Variants in ASNSD1 observed in about 807,000 individuals in gnomAD.
ASNSD1 encodes the protein asparagine synthetase domain containing 1, also known as asparagine synthetase domain-containing protein 1.
ASNSD1 carries 36 observed loss-of-function variants against 48.3 expected under a neutral mutation model. The observed-to-expected ratio is 0.75, with a 90% CI of 0.57 to 0.99. ASNSD1 has a LOEUF of 0.99. Ranked by LOEUF, ASNSD1 falls within the 50% of genes least tolerant of loss-of-function variation. The pLI, the probability that ASNSD1 is intolerant of heterozygous loss-of-function variation, is 0.00. For missense variants in ASNSD1, 714 were observed against 758.2 expected (o/e 0.94, Z 0.69); for synonymous variants, 257 against 262.1 (o/e 0.98, Z 0.19).
Position 189,667,338 on chromosome 2 carries a change from T to C in ASNSD1, c.1206T>C (p.Ser402=). The C allele has an allele frequency of 6.2e-7, 1 of 1,614,172 alleles. No individual in the cohort carries two copies. ...AAADSPNKHV[S]VPDRITGRAG... is the part of the protein sequence containing the mutation. ...CTGACAGTCCTAATAAACATGTCAG[T>C]GTACCAGATCGAATCACAGGAAGGG... Residue 402 remains serine (S), a synonymous_variant, in exon 4 of 6, where the codon AGT becomes AGC. Coordinates refer to ENST00000260952, the MANE Select transcript of ASNSD1 (RefSeq NM_019048.4).
In ASNSD1 at chr2:189,667,773, A is replaced by G. The variant is rs1191449665; in HGVS notation, c.1474A>G (p.Thr492Ala). ...TCTTTAAACCTCATAGGTAGTTCTC[A>G]CTGGAATTGGTGCAGATGAGCAACT... Reference protein sequence around the residue: ...SYQSNAKVVLTGIGADEQLAG... With the variant: ...SYQSNAKVVLAGIGADEQLAG... The change falls in exon 5 of 6, where the codon ACT (threonine) becomes GCT (alanine). Residue 492 changes from threonine to alanine, a missense_variant. Physicochemically the swap from Thr to Ala is moderately conservative, Grantham distance 58 (BLOSUM62 0). Transcript: ENST00000260952. The G allele has an allele frequency of 1.9e-6, 3 of 1,611,062 alleles. No individual in the cohort carries two copies. In the African/African-American group the frequency reaches 4.0e-5, roughly 22 times the overall value.
intron 2 of ASNSD1, 67 bp downstream of exon 2, chr2:189,664,021 TATA>T (rs2032732059): frequency 5.5e-6 from 2 of 365,590 alleles, no homozygotes. Context: ...ATATTAAAGT[TATA>T]AGAAGTATAT....
chr2:189,669,120 T>C (rs532620124), intron 5 of ASNSD1, among the ~76,000 whole-genome samples: 2 of 152,254 alleles, frequency 1.3e-5, no homozygotes, highest in Non-Finnish European at 2.9e-5. Context: ...TCTTTTCCTC[T>C]TTCCACTGAC....
At position 189,667,793 on chromosome 2, in the gene ASNSD1, G is replaced by A; in HGVS notation, c.1494G>A (p.Glu498=). The change falls in exon 5 of 6, where the codon GAG becomes GAA. Residue 498 remains glutamate (E), a synonymous_variant. Coordinates refer to ENST00000260952, the MANE Select transcript of ASNSD1 (RefSeq NM_019048.4). ...KVVLTGIGAD[E]QLAGYSRHRV... ...TTCTCACTGGAATTGGTGCAGATGA[G>A]CAACTTGCAGGTTATTCTCGTCATC... The A allele has an allele frequency of 1.2e-6, 2 of 1,613,662 alleles. No homozygotes were observed. The highest frequency in any genetic ancestry group is 1.3e-5 in the African/African-American group (1 of 75,016).
At chr2:189,665,568 G>T in intron 3 of ASNSD1, 117 bp downstream of exon 3, 1 of 246,878 alleles carries the variant, frequency 4.1e-6, no homozygotes, top group African/African-American at 2.7e-5. Context: ...TTAGGCTTCC[G>T]AAGATGAGTC....
rs149609177 is a variant in ASNSD1, at chr2:189,667,403, T to A, written c.1271T>A (p.Ile424Asn). 3 of 1,614,034 alleles carry A rather than the reference T, an allele frequency of 1.9e-6. No individual in the cohort carries two copies. Among genetic ancestry groups the A allele is most frequent in the Non-Finnish European group, 1.7e-6 (2 of 1,180,022 alleles). ...CTACAAGCTGTTAGCCCTTCCCGAA[T>A]TTGGAATTTTGTTGAAATTAATGTT... is the stretch of plus-strand genomic sequence containing the variant. ...KELQAVSPSR[I>N]WNFVEINVSM... is the part of the protein sequence containing the mutation. The change falls in exon 4 of 6, where the codon ATT becomes AAT. Residue 424 changes from isoleucine to asparagine, a missense_variant. By Grantham distance (149) the Ile-to-Asn change is moderately radical (BLOSUM62 -3). Transcript: ENST00000260952.
chr2:189,670,445 C>A lies in ASNSD1; in HGVS notation c.1651C>A (p.Pro551Thr). Residue 551 changes from proline (P) to threonine (T), a missense_variant, in exon 6 of 6, where the codon CCT becomes ACT. Transcript: ENST00000260952. ...IGDHGKEARF[P>T]FLDENVVSFL... ...TATATTATCTGTCTATTTTAGATTT[C>A]CTTTCCTGGATGAAAATGTTGTCTC... 1 of 1,606,372 alleles carries A rather than the reference C, an allele frequency of 6.2e-7. No individual in the cohort carries two copies. The highest frequency in any genetic ancestry group is 8.5e-7 in the Non-Finnish European group (1 of 1,174,890).
rs760100597 is a variant in ASNSD1, at chr2:189,661,480, T to G, written c.-353T>G. 7.5e-6 allele frequency: 3 copies of G among 399,004 alleles called. No homozygotes were observed. Among genetic ancestry groups the G allele is most frequent in the Non-Finnish European group, 8.8e-6 (2 of 226,154 alleles). 24.7% of individuals were successfully genotyped at this position (399,004 alleles called of 1,614,324 possible). ...CGCTGTGGCTAATGCCGTAGGCTCCTTCAGGGCTGAGCCATCCCGCGTGTC... is the reference window on the plus strand; with the variant it reads ...CGCTGTGGCTAATGCCGTAGGCTCCGTCAGGGCTGAGCCATCCCGCGTGTC... On this transcript the variant is annotated 5_prime_UTR_variant, in exon 1 of 6. Coordinates refer to ENST00000260952, the MANE Select transcript of ASNSD1 (RefSeq NM_019048.4).
At chr2:189,665,612 A>ATATATATG (rs2032777102) in intron 3 of ASNSD1, among the ~76,000 whole-genome samples, 161 bp downstream of exon 3, 1 of 32,824 alleles carries the variant, frequency 3.0e-5, no homozygotes, top group African/African-American at 7.3e-5. Context: ...ATATATATAT[A>ATATATATG]TATATATATA....
rs139495026 is a variant in ASNSD1 at position 189,667,546 on chromosome 2, G to T, written c.1414G>T (p.Gly472Cys). 42 of 1,613,740 alleles carry T rather than the reference G, an allele frequency of 2.6e-5. No homozygotes were observed. Among genetic ancestry groups the T allele is most frequent in the Non-Finnish European group, 3.3e-5 (39 of 1,179,858 alleles). ...AGTCTGGTTTGCTTCTAGAGGAATT[G>T]GTTGGTTAGTGGCCCAGGAAGGAGT... The part of the protein sequence containing the change: ...CAVWFASRGI[G>C]WLVAQEGVKS... The change falls in exon 4 of 6, where the codon GGT becomes TGT. Residue 472 changes from glycine to cysteine, a missense_variant. By Grantham distance (159) the Gly-to-Cys change is radical (BLOSUM62 -3). Coordinates refer to ENST00000260952, the MANE Select transcript of ASNSD1 (RefSeq NM_019048.4).
At position 189,670,570 on chromosome 2, in the gene ASNSD1, T is replaced by A. The variant is rs941625419; in HGVS notation, c.1776T>A (p.Gly592=). Residue 592 remains glycine, a synonymous_variant, in exon 6 of 6, where the codon GGT becomes GGA. Coordinates refer to ENST00000260952, the MANE Select transcript of ASNSD1 (RefSeq NM_019048.4). ...LLLRLAAVEL[G]LTASALLPKR... is the part of the protein sequence containing the mutation. ...TACGCCTTGCAGCTGTGGAACTTGG[T>A]CTTACAGCCTCTGCTCTTCTGCCCA... The A allele has an allele frequency of 5.0e-6, 8 of 1,614,014 alleles. No homozygotes were observed. The African/African-American group carries it at 9.3e-5, about 19-fold the overall frequency.
chr2:189,669,775 T>A (rs935845255), intron 5 of ASNSD1, among the ~76,000 whole-genome samples: 1 of 152,126 alleles, frequency 6.6e-6, no homozygotes, highest in Non-Finnish European at 1.5e-5. Flanking sequence ...TAATCGAATA[T>A]TTTGTTTCTA....
intron 3 of ASNSD1, 148 bp from the exon 4 acceptor site, chr2:189,665,893 C>A: frequency 2.4e-6 from 1 of 417,160 alleles, no homozygotes; most frequent in Non-Finnish European, 4.2e-6. Context: ...TTATTAGTAG[C>A]CTGTTGTTAA....
chr2:189,663,165 TTAAATC>T (rs530781153), intron 1 of ASNSD1, among the ~76,000 whole-genome samples: 44 of 151,994 alleles, frequency 2.9e-4, no homozygotes, highest in Non-Finnish European at 1.9e-4. Flanking sequence ...TTGCTTTTTT[TTAAATC>T]TAAATCACAA....
intron 4 of ASNSD1, 25 bp downstream of exon 4, chr2:189,667,621 G>A (rs748030147): frequency 6.4e-7 from 1 of 1,558,966 alleles, no homozygotes; most frequent in Non-Finnish European, 8.7e-7. Flanking sequence ...TTCTTCTCCT[G>A]AGAATTCCTG....
intron 5 of ASNSD1, among the ~76,000 whole-genome samples, chr2:189,669,413 A>G (rs1248410072): frequency 1.3e-5 from 2 of 152,214 alleles, no homozygotes; most frequent in Admixed American, 6.5e-5. Context: ...ATAAAAATGC[A>G]TATGAAGAAT....
chr2:189,667,784 T>G lies in ASNSD1; in HGVS notation c.1485T>G (p.Gly495=), dbSNP rs772804336. 1.1e-5 allele frequency: 18 copies of G among 1,613,454 alleles called. No individual in the cohort carries two copies. The highest frequency in any genetic ancestry group is 2.7e-5 in the African/African-American group (2 of 74,902). The change falls in exon 5 of 6, where the codon GGT becomes GGG. Residue 495 remains glycine, a synonymous_variant. Coordinates refer to ENST00000260952, the MANE Select transcript of ASNSD1 (RefSeq NM_019048.4). The part of the protein sequence containing the change: ...SNAKVVLTGI[G]ADEQLAGYSR... ...CATAGGTAGTTCTCACTGGAATTGG[T>G]GCAGATGAGCAACTTGCAGGTTATT...
At chr2:189,665,564 T>G in intron 3 of ASNSD1, 113 bp downstream of exon 3, 2 of 286,404 alleles carry the variant, frequency 7.0e-6, no homozygotes, top group East Asian at 1.0e-4. Context: ...CAAATTAGGC[T>G]TCCGAAGATG....
In ASNSD1 at chr2:189,667,551, GT is replaced by G. The variant is rs1446942938; in HGVS notation, c.1421del (p.Leu474Ter). The G allele has an allele frequency of 6.2e-6, 10 of 1,613,622 alleles. No homozygotes were observed. Among genetic ancestry groups the G allele is most frequent in the Non-Finnish European group, 8.5e-6 (10 of 1,179,782 alleles). The stretch of plus-strand genomic sequence containing the variant: ...GGTTTGCTTCTAGAGGAATTGGTTG[GT>G]TAGTGGCCCAGGAAGGAGTGAAATC... ...VWFASRGIGW[L>X]VAQEGVKSYQ... is the part of the protein sequence containing the mutation. On this transcript the variant is annotated frameshift_variant, in exon 4 of 6. Transcript: ENST00000260952. LOFTEE classifies it high-confidence loss of function.
Sources: allele counts gnomAD v4.1 joint callset (sites outside exome capture counted in the v4.1 genomes callset), GRCh38; gene constraint gnomAD v4.1.1; transcripts MANE v1.5; gene names NCBI Gene and HGNC (gene_info 2026-07-23, HGNC 2026-07-21).